The following MCPH1 variants were observed in gnomAD, a reference collection of about 807,000 sequenced individuals.
The protein encoded by MCPH1 is microcephalin 1.
Under a neutral mutation model 84.5 loss-of-function variants are expected in MCPH1, and 104 were observed. The observed-to-expected ratio is 1.23, with a 90% CI of 1.05 to 1.45. MCPH1 has a LOEUF of 1.45. Among genes scored for constraint, MCPH1 ranks in the 40% most tolerant of loss-of-function variants. MCPH1 has a pLI of 0.00. For missense variants in MCPH1, 1,498 were observed against 1,005.7 expected (o/e 1.49, Z -6.62); for synonymous variants, 514 against 366.8 (o/e 1.40, Z -4.58).
At chr8:6,477,467 C>A in intron 9 of MCPH1, 127 bp from the exon 10 acceptor site, 1 of 797,190 alleles carries the variant, frequency 1.3e-6, no homozygotes, top group Non-Finnish European at 2.0e-6. Context: ...TTTTCTTTGA[C>A]ATATGCTTAA....
intron 12 of MCPH1, among the ~76,000 whole-genome samples, chr8:6,561,071 A>T (rs910621280): frequency 6.6e-6 from 1 of 152,226 alleles, no homozygotes; most frequent in African/African-American, 2.4e-5. Flanking sequence ...AGGAAGTTCA[A>T]GTTAAGCAGA....
Position 6,513,779 on chromosome 8 carries a change from C to T in MCPH1, c.2214+13850C>T. ...GGTGTATTTTAAGCACATAGCGTTGCTGATTAGTCAGTTGCGAAACAAACT... is the reference window on the plus strand; with the variant it reads ...GGTGTATTTTAAGCACATAGCGTTGTTGATTAGTCAGTTGCGAAACAAACT... On this transcript the variant is annotated intron_variant, in intron 12 of 13. Transcript: ENST00000344683. The T allele has an allele frequency of 1.9e-6, 3 of 1,614,006 alleles. No homozygotes were observed. In the South Asian group the frequency reaches 3.3e-5, roughly 18 times the overall value.
rs1798291225 is a variant in MCPH1, at chr8:6,647,925, T to TA, written c.*4876_*4877insA. On this transcript the variant is annotated 3_prime_UTR_variant, in exon 14 of 14. Transcript: ENST00000344683. ...TTATACACCAATAAAGCTATTTTTT[T>TA]TAAAAAAAAGAGAGAGAGAGAACGA... The TA allele has an allele frequency of 2.6e-5, 4 of 151,776 alleles. No individual in the cohort carries two copies. Among genetic ancestry groups the TA allele is most frequent in the African/African-American group, 9.7e-5 (4 of 41,114 alleles). 9.4% of individuals were successfully genotyped at this position (151,776 alleles called of 1,614,324 possible).
chr8:6,519,774 T>C (rs964220157), intron 12 of MCPH1: 11 of 1,495,300 alleles, frequency 7.4e-6, no homozygotes, highest in Admixed American at 7.2e-5. Context: ...GGGAAGATCT[T>C]TGGGGAGAGA....
At chr8:6,637,799 C>G (rs532526743) in intron 13 of MCPH1, among the ~76,000 whole-genome samples, 38 of 152,186 alleles carry the variant, frequency 2.5e-4, no homozygotes, top group South Asian at 4.2e-4. Flanking sequence ...AAAGCAGTCT[C>G]GGACCTTTGC....
At chr8:6,453,300 C>T (rs914453932) in intron 8 of MCPH1, among the ~76,000 whole-genome samples, 2 of 134,746 alleles carry the variant, frequency 1.5e-5, no homozygotes, top group African/African-American at 2.8e-5. Context: ...ATTAGTGTGG[C>T]AGAGTTTATG....
chr8:6,470,731 G>T (rs1054214251), intron 9 of MCPH1, among the ~76,000 whole-genome samples: 1 of 152,230 alleles, frequency 6.6e-6, no homozygotes, highest in Non-Finnish European at 1.5e-5. Context: ...CCTGCCAGTG[G>T]CCATGCCACA....
chr8:6,428,424 A>G (rs1245157736), intron 3 of MCPH1, among the ~76,000 whole-genome samples: 1 of 152,210 alleles, frequency 6.6e-6, no homozygotes, highest in Non-Finnish European at 1.5e-5. Context: ...GTTATGCGGC[A>G]TATAACTGGA....
chr8:6,538,930 T>C (rs1586480418), intron 12 of MCPH1, among the ~76,000 whole-genome samples: 1 of 152,238 alleles, frequency 6.6e-6, no homozygotes, highest in Non-Finnish European at 1.5e-5. Flanking sequence ...CTAATGTTCT[T>C]GGTTCCCTGT....
chr8:6,475,722 C>T (rs1299344839), intron 9 of MCPH1, among the ~76,000 whole-genome samples: 1 of 152,098 alleles, frequency 6.6e-6, no homozygotes, highest in African/African-American at 2.4e-5. Context: ...TTACTGGGGG[C>T]CAGGGCATTG....
intron 12 of MCPH1, among the ~76,000 whole-genome samples, chr8:6,511,359 T>C (rs1434307990): frequency 6.6e-6 from 1 of 152,120 alleles, no homozygotes; most frequent in Non-Finnish European, 1.5e-5. Flanking sequence ...AGAGGTAACA[T>C]CAACATTAAC....
chr8:6,480,859 G>A lies in MCPH1; in HGVS notation c.2119G>A (p.Val707Ile). 3 of 1,614,134 alleles carry A rather than the reference G, an allele frequency of 1.9e-6. No homozygotes were observed. The highest frequency in any genetic ancestry group is 2.5e-6 in the Non-Finnish European group (3 of 1,180,038). ...GCTGGGAATTGCGCGTGGCTGCTGGGTTCTCTCTTATGATTGGGTAAGCCC... is the reference window on the plus strand; with the variant it reads ...GCTGGGAATTGCGCGTGGCTGCTGGATTCTCTCTTATGATTGGGTAAGCCC... ...VLLGIARGCW[V>I]LSYDWVLWSL... The change falls in exon 11 of 14, where the codon GTT becomes ATT. Residue 707 changes from valine to isoleucine, a missense_variant. By Grantham distance (29) the Val-to-Ile change is conservative. Coordinates refer to ENST00000344683, the MANE Select transcript of MCPH1 (RefSeq NM_024596.5).
At chr8:6,530,535 A>G (rs796279537) in intron 12 of MCPH1, among the ~76,000 whole-genome samples, 36 of 142,692 alleles carry the variant, frequency 2.5e-4, no homozygotes, top group African/African-American at 8.0e-4. Context: ...AAAAAAAGTA[A>G]TGGCAAAATC....
intron 12 of MCPH1, among the ~76,000 whole-genome samples, chr8:6,522,781 AAAAAG>A (rs766827911): frequency 4.1e-4 from 63 of 152,056 alleles, no homozygotes; most frequent in East Asian, 1.4e-3. Context: ...CTCAAAAAAA[AAAAAG>A]AAAAGAAAAG....
intron 12 of MCPH1, among the ~76,000 whole-genome samples, chr8:6,535,189 T>A (rs1451921208): frequency 2.0e-5 from 3 of 152,218 alleles, no homozygotes; most frequent in Admixed American, 2.0e-4. Context: ...TCACTCTAAA[T>A]CATACAACCA....
At chr8:6,517,413 T>C (rs1816473664) in intron 12 of MCPH1, among the ~76,000 whole-genome samples, 1 of 152,190 alleles carries the variant, frequency 6.6e-6, no homozygotes, top group Non-Finnish European at 1.5e-5. Context: ...GGGAAGGAAA[T>C]GACCATACAT....
intron 13 of MCPH1, chr8:6,625,268 G>GAAAC: frequency 1.0e-6 from 1 of 985,466 alleles, no homozygotes; most frequent in Non-Finnish European, 1.2e-6. Context: ...GTTAAAGGAG[G>GAAAC]AAACACAGAG....
intron 1 of MCPH1, chr8:6,407,076 C>T (rs1398355767): frequency 1.5e-5 from 5 of 340,000 alleles, no homozygotes; most frequent in African/African-American, 6.8e-5. Context: ...CCGCCTTTCC[C>T]CCTACCTGCT....
At chr8:6,416,788 G>C (rs904636738) in intron 3 of MCPH1, among the ~76,000 whole-genome samples, 2 of 151,548 alleles carry the variant, frequency 1.3e-5, no homozygotes, top group African/African-American at 4.8e-5. Context: ...GAGATTAGGA[G>C]TTTGAGACCA....
Sources: gnomAD v4.1 joint callset for allele counts (sites outside exome capture counted in the v4.1 genomes callset) on GRCh38, gnomAD v4.1.1 for gene constraint, MANE v1.5 for transcripts, NCBI Gene and HGNC (gene_info 2026-07-23, HGNC 2026-07-21) for gene names.